The following LARGE1 variants were observed in gnomAD, a reference collection of about 807,000 sequenced individuals.
LARGE1 encodes the protein xylosyl- and glucuronyltransferase LARGE1.
LARGE1 carries 43 observed loss-of-function variants against 87.6 expected under a neutral mutation model. The ratio of observed to expected loss-of-function variants is 0.49; its 90% CI spans 0.38 to 0.63. The LOEUF is 0.63. Ranked by LOEUF, LARGE1 falls within the 30% of genes least tolerant of loss-of-function variation. The pLI is 0.00. For synonymous variants in LARGE1, 434 were observed against 394.6 expected, an observed-to-expected ratio of 1.10 and a Z score of -1.18; for missense variants, 802 against 1,000.2, an observed-to-expected ratio of 0.80 and a Z score of 2.67.
chr22:33,513,812 T>TAC (rs56262022), intron 6 of LARGE1, among the ~76,000 whole-genome samples: 5,191 of 143,242 alleles, frequency 0.036, 137 homozygotes, highest in African/African-American at 0.079. Context: ...AGAGCTGATG[T>TAC]ACACACACAC....
chr22:33,548,662 G>C (rs1283945492), intron 6 of LARGE1, among the ~76,000 whole-genome samples: 1 of 152,100 alleles, frequency 6.6e-6, no homozygotes, highest in Admixed American at 6.5e-5. Flanking sequence ...TGATCCGCCT[G>C]TCTCAGCCTC....
intron 6 of LARGE1, among the ~76,000 whole-genome samples, chr22:33,531,048 C>T (rs900252038): frequency 1.6e-4 from 25 of 152,200 alleles, no homozygotes; most frequent in Admixed American, 1.6e-3. Context: ...CTGACTTGCC[C>T]TAATTGTACT....
At chr22:33,621,323 T>C (rs240597) in intron 4 of LARGE1, among the ~76,000 whole-genome samples, 106,869 of 152,098 alleles carry the variant, frequency 0.7, 37,565 homozygotes, top group Admixed American at 0.77. Flanking sequence ...TCTTCCCACA[T>C]TGTATTAATT....
intron 6 of LARGE1, among the ~76,000 whole-genome samples, chr22:33,502,887 G>C (rs889875362): frequency 6.8e-6 from 1 of 147,288 alleles, no homozygotes; most frequent in African/African-American, 2.4e-5. Context: ...GTGAATGAAA[G>C]AGTCCCTGCT....
chr22:33,771,004 A>G (rs1319893702), intron 1 of LARGE1, among the ~76,000 whole-genome samples: 1 of 152,072 alleles, frequency 6.6e-6, no homozygotes, highest in Non-Finnish European at 1.5e-5. Context: ...CCAAAGCAGC[A>G]CAACCTGCAT....
intron 1 of LARGE1, among the ~76,000 whole-genome samples, chr22:33,910,525 C>T (rs1034042734): frequency 6.6e-6 from 1 of 152,132 alleles, no homozygotes; most frequent in Non-Finnish European, 1.5e-5. Flanking sequence ...TCCTCTGGGC[C>T]CTTTGACTTT....
intron 2 of LARGE1, among the ~76,000 whole-genome samples, chr22:33,755,795 C>T (rs922821072): frequency 6.6e-6 from 1 of 152,122 alleles, no homozygotes; most frequent in East Asian, 1.9e-4. Flanking sequence ...ACATTAGGAG[C>T]GAGTGCTCAG....
intron 2 of LARGE1, among the ~76,000 whole-genome samples, chr22:33,715,385 T>C (rs557141742): frequency 2.0e-5 from 3 of 152,202 alleles, no homozygotes; most frequent in Non-Finnish European, 4.4e-5. Flanking sequence ...CTTCTTTGAA[T>C]TAATGTTCCT....
At chr22:33,567,359 A>C (rs576642858) in intron 5 of LARGE1, among the ~76,000 whole-genome samples, 3 of 152,368 alleles carry the variant, frequency 2.0e-5, no homozygotes, top group East Asian at 3.9e-4. Context: ...CTCAGTAATA[A>C]GCTCCCGCCC....
intron 9 of LARGE1, among the ~76,000 whole-genome samples, chr22:33,348,668 T>G (rs1198617765): frequency 6.6e-6 from 1 of 151,894 alleles, no homozygotes; most frequent in African/African-American, 2.4e-5. Flanking sequence ...TCCAATCCAT[T>G]GAGGCCCTGA....
chr22:33,787,051 A>G (rs924125121), intron 1 of LARGE1, among the ~76,000 whole-genome samples: 1 of 151,962 alleles, frequency 6.6e-6, no homozygotes, highest in Non-Finnish European at 1.5e-5. Context: ...AGAAAAAGTA[A>G]GATAATGGTA....
At position 33,273,602 on chromosome 22, in the gene LARGE1, G is replaced by GTA. The variant is rs140177888; in HGVS notation, c.*823_*824dup. Reference sequence around the variant, plus strand: ...CGCTATAGCCCCTGGATTCTGGAGAGTAGGGAGTTCAAAGTCACGGGAGCC... The same window carrying GTA: ...CGCTATAGCCCCTGGATTCTGGAGAGTATAGGGAGTTCAAAGTCACGGGAGCC... On this transcript the variant is annotated 3_prime_UTR_variant, in exon 15 of 15. Transcript: ENST00000397394. 196 of 398,800 alleles carry GTA rather than the reference G, an allele frequency of 4.9e-4. No homozygotes were observed. Among genetic ancestry groups the GTA allele is most frequent in the Non-Finnish European group, 7.5e-4 (169 of 226,256 alleles). The allele number at this position is 398,800 out of a possible 1,614,324, so 24.7% of individuals were successfully genotyped here. A position where few individuals can be genotyped will look rare whatever the true frequency, so the allele number is the denominator to read the frequency against.
chr22:33,389,688 T>C (rs1291870671), intron 7 of LARGE1, among the ~76,000 whole-genome samples: 1 of 151,980 alleles, frequency 6.6e-6, no homozygotes, highest in Non-Finnish European at 1.5e-5. Flanking sequence ...CTACTAAAAA[T>C]ACCAAAATGA....
At chr22:33,429,563 C>T (rs9609792) in intron 7 of LARGE1, among the ~76,000 whole-genome samples, 1,888 of 152,258 alleles carry the variant, frequency 0.012, 20 homozygotes, top group Non-Finnish European at 0.019. Context: ...TCTGCAAACC[C>T]GGATTGATGA....
chr22:33,501,005 G>A (rs552268377), intron 6 of LARGE1, among the ~76,000 whole-genome samples: 2 of 152,224 alleles, frequency 1.3e-5, no homozygotes, highest in African/African-American at 4.8e-5. Context: ...GTGGAGGTGC[G>A]GGCGCCCATG....
chr22:33,295,473 G>A (rs1418754325), intron 12 of LARGE1, among the ~76,000 whole-genome samples: 1 of 152,206 alleles, frequency 6.6e-6, no homozygotes, highest in Non-Finnish European at 1.5e-5. Flanking sequence ...CGTAAGCATG[G>A]CTTTTGACCA....
intron 4 of LARGE1, among the ~76,000 whole-genome samples, chr22:33,606,515 G>A (rs915008604): frequency 1.7e-4 from 26 of 152,064 alleles, no homozygotes; most frequent in Admixed American, 1.3e-3. Flanking sequence ...GCTCTCGGCC[G>A]TCGGCATGGT....
At chr22:33,565,125 C>T (rs2077984966) in intron 5 of LARGE1, 106 bp from the exon 6 acceptor site, 1 of 1,020,642 alleles carries the variant, frequency 9.8e-7, no homozygotes, top group East Asian at 2.5e-5. Flanking sequence ...AAAAAGTATC[C>T]AATAAAAATT....
intron 1 of LARGE1, among the ~76,000 whole-genome samples, chr22:33,907,371 A>G (rs1436248402): frequency 6.6e-6 from 1 of 152,224 alleles, no homozygotes; most frequent in Non-Finnish European, 1.5e-5. Context: ...AAGCTCCTGT[A>G]CAAATTTATT....
Sources: gnomAD v4.1 joint callset for allele counts (sites outside exome capture counted in the v4.1 genomes callset) on GRCh38, gnomAD v4.1.1 for gene constraint, MANE v1.5 for transcripts, NCBI Gene and HGNC (gene_info 2026-07-23, HGNC 2026-07-21) for gene names.